Variants in RBFOX1 observed in about 807,000 individuals in gnomAD.
RBFOX1 encodes RNA binding fox-1 homolog 1, also known as RNA binding protein fox-1 homolog 1.
RBFOX1 carries 8 observed loss-of-function variants against 57.7 expected under a neutral mutation model. That is an observed-to-expected ratio of 0.14 (90% CI 0.08 to 0.25). RBFOX1 has a LOEUF of 0.25. RBFOX1 is among the 10% of genes least tolerant of loss of function. The pLI is 1.00. For missense variants in RBFOX1, 611 were observed against 548.5 expected, an observed-to-expected ratio of 1.11 and a Z score of -1.14; for synonymous variants, 326 against 222.4, an observed-to-expected ratio of 1.47 and a Z score of -4.15.
chr16:7,209,582 C>T (rs76001149), intron 4 of RBFOX1, among the ~76,000 whole-genome samples: 1 of 152,140 alleles, frequency 6.6e-6, no homozygotes, highest in African/African-American at 2.4e-5. Context: ...CAACCCTCAC[C>T]TTCTCATCAA....
At chr16:5,296,739 C>T (rs1011605151) in intron 1 of RBFOX1, among the ~76,000 whole-genome samples, 6 of 150,598 alleles carry the variant, frequency 4.0e-5, no homozygotes, top group East Asian at 2.0e-4. Context: ...AGTGCAGTGG[C>T]GCGATCCTGC....
rs577725845 is a variant in RBFOX1, at chr16:5,708,709, A to C, written c.318+109748A>C. The stretch of plus-strand genomic sequence containing the variant: ...CTACCATTGGTTGTTCCAGTGGTAT[A>C]TCTGGCACCGGCTTGGGCAATAAAA... On this transcript the variant is annotated intron_variant, in intron 3 of 19. Coordinates refer to the RBFOX1 transcript ENST00000641259. Among the ~76,000 whole-genome samples the C allele has an allele frequency of 1.2e-3, 178 of 152,266 alleles. 2 individuals are homozygous for C. Among genetic ancestry groups the C allele is most frequent in the African/African-American group, 4.2e-3 (173 of 41,544 alleles).
At position 7,445,897 on chromosome 16, in the gene RBFOX1, T is replaced by C. The variant is rs771338898; in HGVS notation, c.28-72250T>C. Among the ~76,000 whole-genome samples, 122 of 152,294 alleles carry C rather than the reference T, an allele frequency of 8.0e-4. No homozygotes were observed. The Middle Eastern group carries it at 0.014, about 17-fold the overall frequency. ...TGAATGCTCTCAATTGGATGGTGAGTATTTTCCATTTTAGTTTAGCTGTGA... is the reference window on the plus strand; with the variant it reads ...TGAATGCTCTCAATTGGATGGTGAGCATTTTCCATTTTAGTTTAGCTGTGA... On this transcript the variant is annotated intron_variant, in intron 4 of 15. Transcript: ENST00000550418.
At chr16:6,516,391 A>G (rs2096378874) in intron 2 of RBFOX1, among the ~76,000 whole-genome samples, 1 of 152,218 alleles carries the variant, frequency 6.6e-6, no homozygotes, top group Non-Finnish European at 1.5e-5. Flanking sequence ...CATATCACAT[A>G]GTTGTAAGAA....
chr16:7,216,577 G>C (rs568974545), intron 4 of RBFOX1, among the ~76,000 whole-genome samples: 1 of 152,230 alleles, frequency 6.6e-6, no homozygotes, highest in South Asian at 2.1e-4. Flanking sequence ...AGAATTGCTT[G>C]AACCTGGGAG....
At chr16:6,137,693 A>G (rs912856128) in intron 1 of RBFOX1, among the ~76,000 whole-genome samples, 1 of 144,092 alleles carries the variant, frequency 6.9e-6, no homozygotes, top group African/African-American at 2.7e-5. Context: ...GGCTTACTAC[A>G]GCCTCAACTT....
At chr16:5,691,099 C>G (rs909381449) in intron 3 of RBFOX1, among the ~76,000 whole-genome samples, 3 of 152,184 alleles carry the variant, frequency 2.0e-5, no homozygotes, top group Non-Finnish European at 4.4e-5. Flanking sequence ...AAGAGGCTGT[C>G]CAATAGGTCT....
At chr16:6,284,210 T>G (rs2076669495) in intron 1 of RBFOX1, among the ~76,000 whole-genome samples, 1 of 152,228 alleles carries the variant, frequency 6.6e-6, no homozygotes, top group African/African-American at 2.4e-5. Context: ...CAATTTATAT[T>G]CTTTTTCATG....
rs550116070 is a variant in RBFOX1 at position 6,754,965 on chromosome 16, T to C, written c.-16+100315T>C. ...TGAGAATATGCGGTGTTTGGTTTTTTGTTCTTGGGATAGTTTACTGAGAAT... is the reference window on the plus strand; with the variant it reads ...TGAGAATATGCGGTGTTTGGTTTTTCGTTCTTGGGATAGTTTACTGAGAAT... On this transcript the variant is annotated intron_variant, in intron 3 of 15. Transcript: ENST00000550418. Among the ~76,000 whole-genome samples, 9 of 152,318 alleles carry C rather than the reference T, an allele frequency of 5.9e-5. No individual in the cohort carries two copies. In the East Asian group the frequency reaches 1.5e-3, roughly 26 times the overall value.
chr16:5,684,078 T>G (rs577277187), intron 3 of RBFOX1, among the ~76,000 whole-genome samples: 1 of 152,216 alleles, frequency 6.6e-6, no homozygotes, highest in Non-Finnish European at 1.5e-5. Flanking sequence ...TTGAACTTTA[T>G]AGGTTTTCTC....
chr16:6,883,242 TG>T (rs1204079852), intron 3 of RBFOX1, among the ~76,000 whole-genome samples: 1 of 152,196 alleles, frequency 6.6e-6, no homozygotes, highest in Non-Finnish European at 1.5e-5. Context: ...TGCTACACTA[TG>T]GGTTTTCTTT....
intron 14 of RBFOX1, among the ~76,000 whole-genome samples, chr16:7,685,015 T>C (rs754355107): frequency 6.6e-6 from 1 of 152,078 alleles, no homozygotes; most frequent in African/African-American, 2.4e-5. Context: ...CTGCAGAGCC[T>C]TGCCTTGTAA....
intron 2 of RBFOX1, among the ~76,000 whole-genome samples, chr16:5,562,755 C>T (rs569767903): frequency 5.3e-5 from 8 of 152,174 alleles, no homozygotes; most frequent in South Asian, 2.1e-4. Flanking sequence ...TCTGTTCAAT[C>T]GTTTCAAGAA....
intron 3 of RBFOX1, among the ~76,000 whole-genome samples, chr16:6,671,113 C>T (rs1055752079): frequency 6.6e-6 from 1 of 152,166 alleles, no homozygotes; most frequent in African/African-American, 2.4e-5. Context: ...TTTCTTTTGA[C>T]CCAATCTTAC....
intron 3 of RBFOX1, among the ~76,000 whole-genome samples, chr16:6,675,977 C>T (rs556012416): frequency 2.6e-5 from 4 of 152,010 alleles, no homozygotes; most frequent in Admixed American, 1.3e-4. Flanking sequence ...GTCAGCTTTA[C>T]GTGGACACCA....
intron 2 of RBFOX1, among the ~76,000 whole-genome samples, chr16:5,523,965 C>T (rs891724528): frequency 1.3e-5 from 2 of 152,146 alleles, no homozygotes; most frequent in Non-Finnish European, 2.9e-5. Flanking sequence ...CTTGCCTCCT[C>T]CCGGCCCAGG....
rs113270949 is a variant in RBFOX1 at position 6,662,652 on chromosome 16, T to TA, written c.-16+8012dup. Among the ~76,000 whole-genome samples the TA allele has an allele frequency of 2.1e-3, 309 of 147,248 alleles. 3 individuals are homozygous for TA. The highest frequency in any genetic ancestry group is 0.012 in the Admixed American group (172 of 14,746). On this transcript the variant is annotated intron_variant, in intron 3 of 15. Transcript: ENST00000550418. ...TCAAAGACATAATTTGGTGGTTGGT[T>TA]AAAAAAAAAAGAAAAAAAACCTAAA...
intron 3 of RBFOX1, among the ~76,000 whole-genome samples, chr16:6,961,158 C>T (rs2082918391): frequency 6.6e-6 from 1 of 151,250 alleles, no homozygotes; most frequent in Non-Finnish European, 1.5e-5. Context: ...CACAGACACA[C>T]ACACGCAAAA....
intron 4 of RBFOX1, among the ~76,000 whole-genome samples, chr16:7,292,909 T>G (rs2095820808): frequency 6.6e-6 from 1 of 152,132 alleles, no homozygotes; most frequent in Non-Finnish European, 1.5e-5. Flanking sequence ...CAGAAACAAC[T>G]GTTGCCGAGC....
Sources: gnomAD v4.1 joint callset for allele counts (sites outside exome capture counted in the v4.1 genomes callset) on GRCh38, gnomAD v4.1.1 for gene constraint, MANE v1.5 for transcripts, NCBI Gene and HGNC (gene_info 2026-07-23, HGNC 2026-07-21) for gene names.